The following DUSP15 variants were observed in gnomAD, a reference collection of about 807,000 sequenced individuals.
DUSP15 encodes the protein dual specificity phosphatase 15.
Under a neutral mutation model 26.3 loss-of-function variants are expected in DUSP15, and 23 were observed. The ratio of observed to expected loss-of-function variants is 0.87; its 90% CI spans 0.63 to 1.24. The LOEUF (loss-of-function observed/expected upper bound fraction) is 1.24. Ranked by LOEUF, DUSP15 falls within the 50% of genes most tolerant of loss-of-function variation. DUSP15 has a pLI of 0.00. For synonymous variants in DUSP15, 143 were observed against 135.5 expected, an observed-to-expected ratio of 1.06 and a Z score of -0.39; for missense variants, 364 against 320.6, an observed-to-expected ratio of 1.14 and a Z score of -1.03.
intron 2 of DUSP15, 104 bp from the exon 3 acceptor site, chr20:31,867,257 A>C: frequency 9.8e-7 from 1 of 1,018,742 alleles, no homozygotes; most frequent in East Asian, 2.6e-5. Flanking sequence ...TCACCCCACC[A>C]CTCCACCTTG....
intron 6 of DUSP15, among the ~76,000 whole-genome samples, chr20:31,853,687 G>T (rs975334893): frequency 6.0e-5 from 9 of 150,238 alleles, no homozygotes; most frequent in African/African-American, 2.2e-4. Flanking sequence ...CTGCAACCTC[G>T]ACCTCCTGGG....
chr20:31,851,770 C>G (rs1174409940), intron 6 of DUSP15, among the ~76,000 whole-genome samples: 2 of 152,094 alleles, frequency 1.3e-5, no homozygotes, highest in Non-Finnish European at 2.9e-5. Flanking sequence ...CAGGTCTGAC[C>G]TGCAGGCAGG....
chr20:31,849,707 G>T, intron 8 of DUSP15: 1 of 1,529,604 alleles, frequency 6.5e-7, no homozygotes. Context: ...TGCAACACGT[G>T]GGCGCTGGGC....
chr20:31,867,416 G>A (rs1330268895), intron 2 of DUSP15, among the ~76,000 whole-genome samples: 2 of 152,184 alleles, frequency 1.3e-5, no homozygotes, highest in Non-Finnish European at 2.9e-5. Context: ...CTGCTTCTAG[G>A]AATCTTGTCT....
At chr20:31,865,302 C>A (rs1172331491) in intron 3 of DUSP15, among the ~76,000 whole-genome samples, 1 of 152,138 alleles carries the variant, frequency 6.6e-6, no homozygotes, top group Non-Finnish European at 1.5e-5. Flanking sequence ...TAGGAAAGGG[C>A]TACTTAAAGG....
downstream of DUSP15, among the ~76,000 whole-genome samples, chr20:31,847,168 A>G (rs1013799409): frequency 9.2e-5 from 14 of 152,128 alleles, no homozygotes; most frequent in African/African-American, 3.1e-4. Context: ...GGAGGGCTTC[A>G]TTGCTTCTTT....
At chr20:31,867,629 A>ATTTT (rs2062796446) in intron 2 of DUSP15, among the ~76,000 whole-genome samples, 1 of 107,814 alleles carries the variant, frequency 9.3e-6, no homozygotes, top group East Asian at 3.5e-4. Flanking sequence ...GATGCCCACA[A>ATTTT]TGTTTTTTTT....
intron 6 of DUSP15, chr20:31,850,761 G>T: frequency 7.2e-7 from 1 of 1,395,594 alleles, no homozygotes; most frequent in Non-Finnish European, 1.0e-6. Context: ...AGGAGGCAGG[G>T]CTGGGTGAGG....
chr20:31,848,772 G>A, intron 9 of DUSP15: 4 of 1,589,838 alleles, frequency 2.5e-6, no homozygotes, highest in South Asian at 1.1e-5. Flanking sequence ...ACTGGAGGGC[G>A]TGCTTCTTGG....
In DUSP15 at chr20:31,861,682, T is replaced by C; in HGVS notation, c.436-7A>G. ...CCTCCAGCTGCCGGCGAAGCTGGGGTGGGCGGGTGAGGTGGGCGGGGTCAA... is the reference window on the plus strand; with the variant it reads ...CCTCCAGCTGCCGGCGAAGCTGGGGCGGGCGGGTGAGGTGGGCGGGGTCAA... On this transcript the variant is annotated splice_polypyrimidine_tract_variant and splice_region_variant and intron_variant, in intron 6 of 6. Coordinates refer to ENST00000339738, the MANE Select transcript of DUSP15 (RefSeq NM_080611.5). The C allele has an allele frequency of 4.4e-6, 1 of 226,158 alleles. No homozygotes were observed. Among genetic ancestry groups the C allele is most frequent in the Admixed American group, 7.1e-5 (1 of 14,162 alleles). The allele number at this position is 226,158 out of a possible 1,614,324, so 14.0% of individuals were successfully genotyped here. A position where few individuals can be genotyped will look rare whatever the true frequency, so the allele number is the denominator to read the frequency against.
chr20:31,849,247 T>C (rs1216406959), intron 8 of DUSP15, among the ~76,000 whole-genome samples: 1 of 152,032 alleles, frequency 6.6e-6, no homozygotes, highest in Non-Finnish European at 1.5e-5. Context: ...CGAAGCCCTA[T>C]TCTTATGCTG....
At chr20:31,861,713 G>GCCC (rs11417441) in intron 6 of DUSP15, 38 bp from the exon 7 acceptor site, 1 of 647,820 alleles carries the variant, frequency 1.5e-6, no homozygotes, top group Admixed American at 5.1e-5. Context: ...GTCAAGGCCG[G>GCCC]CGCGGGGCGG....
chr20:31,848,233 G>T lies in DUSP15; in HGVS notation c.*171C>A, dbSNP rs538394036. On this transcript the variant is annotated 3_prime_UTR_variant, in exon 10 of 10. Coordinates refer to the DUSP15 transcript ENST00000278979. ...GAAGCCCCATGCCCAGCTGGGGGGC[G>T]GTGTGGCCTACTCTCGAGTTCCGGG... 4 of 597,664 alleles carry T rather than the reference G, an allele frequency of 6.7e-6. No homozygotes were observed. The African/African-American group carries it at 7.8e-5, about 12-fold the overall frequency. 37.0% of individuals were successfully genotyped at this position (597,664 alleles called of 1,614,324 possible).
chr20:31,870,122 C>A lies in DUSP15; in HGVS notation c.21+195G>T, dbSNP rs1568710932. On this transcript the variant is annotated intron_variant, in intron 1 of 6. Coordinates refer to ENST00000339738, the MANE Select transcript of DUSP15 (RefSeq NM_080611.5). The surrounding 1 kb of genome is among the most constrained non-coding windows in gnomAD (Gnocchi z 6.6). ...CAGAGTCACGGAGAGAGGGCGGACA[C>A]AGCGGGGACAGAGACGCAGGGTCAG... 2 of 1,239,478 alleles carry A rather than the reference C, an allele frequency of 1.6e-6. No homozygotes were observed. Among genetic ancestry groups the A allele is most frequent in the Non-Finnish European group, 2.0e-6 (2 of 991,278 alleles). The allele number at this position is 1,239,478 out of a possible 1,614,324, so 76.8% of individuals were successfully genotyped here. A position where few individuals can be genotyped will look rare whatever the true frequency, so the allele number is the denominator to read the frequency against.
chr20:31,849,793 C>CA lies in DUSP15; in HGVS notation c.572dup (p.Ser192GlufsTer34). On this transcript the variant is annotated frameshift_variant, in exon 8 of 10. Coordinates refer to the DUSP15 transcript ENST00000278979. LOFTEE classifies it high-confidence loss of function. ...GGCGCTCGGCGGCCGCCCGCGGACT[C>CA]AGACGACAGCGCTGGGCTGTGCGCC... The CA allele has an allele frequency of 6.5e-7, 1 of 1,541,478 alleles. No individual in the cohort carries two copies. Among genetic ancestry groups the CA allele is most frequent in the Non-Finnish European group, 8.7e-7 (1 of 1,150,924 alleles).
At chr20:31,862,817 T>C in intron 5 of DUSP15, 75 bp from the exon 6 acceptor site, 1 of 1,430,780 alleles carries the variant, frequency 7.0e-7, no homozygotes, top group Non-Finnish European at 9.3e-7. Context: ...CCCACCCTGC[T>C]TCAACTCCCC....
chr20:31,869,935 G>T (rs2062883124), intron 1 of DUSP15: 2 of 1,356,644 alleles, frequency 1.5e-6, no homozygotes, highest in Non-Finnish European at 1.9e-6. Flanking sequence ...GGCTGGGGAG[G>T]CAGAAAGGCA....
chr20:31,857,056 C>T (rs997391174), downstream of DUSP15, among the ~76,000 whole-genome samples: 1 of 151,986 alleles, frequency 6.6e-6, no homozygotes, highest in Non-Finnish European at 1.5e-5. Context: ...GGACAGAAGC[C>T]GGACTGGTCA....
chr20:31,862,212 C>G (rs1460346258), intron 6 of DUSP15, among the ~76,000 whole-genome samples: 2 of 152,104 alleles, frequency 1.3e-5, no homozygotes, highest in African/African-American at 4.8e-5. Flanking sequence ...CTGCTGTGGT[C>G]TCATCAAGGA....
Sources: allele counts gnomAD v4.1 joint callset (sites outside exome capture counted in the v4.1 genomes callset), GRCh38; gene constraint gnomAD v4.1.1; non-coding constraint Gnocchi (gnomAD v3.1); transcripts MANE v1.5; gene names NCBI Gene and HGNC (gene_info 2026-07-23, HGNC 2026-07-21).